PALLD: variants seen among roughly 807,000 people sequenced by gnomAD.
PALLD encodes palladin, cytoskeletal associated protein, also known as palladin.
PALLD carries 61 observed loss-of-function variants against 123.5 expected under a neutral mutation model. That is an observed-to-expected ratio of 0.49 (90% CI 0.40 to 0.61). The LOEUF is 0.61. Ranked by LOEUF, PALLD falls within the 20% of genes least tolerant of loss-of-function variation. The pLI, the probability that PALLD is intolerant of heterozygous loss-of-function variation, is 0.00. For missense variants in PALLD, 1,273 were observed against 1,377.0 expected (o/e 0.92, Z 1.20); for synonymous variants, 465 against 496.4 (o/e 0.94, Z 0.84).
chr4:168,827,158 A>C (rs1428473832), intron 10 of PALLD, among the ~76,000 whole-genome samples: 1 of 152,078 alleles, frequency 6.6e-6, no homozygotes, highest in Non-Finnish European at 1.5e-5. Flanking sequence ...TTCCCGATCC[A>C]TTCTCCCTTA....
chr4:168,812,385 C>A (rs528630613), intron 10 of PALLD, among the ~76,000 whole-genome samples: 1 of 152,294 alleles, frequency 6.6e-6, no homozygotes, highest in East Asian at 1.9e-4. Context: ...GCACTGTATA[C>A]ACAGAAACAT....
chr4:168,842,257 G>A (rs1187760286), intron 10 of PALLD, among the ~76,000 whole-genome samples: 2 of 152,132 alleles, frequency 1.3e-5, no homozygotes, highest in African/African-American at 4.8e-5. Flanking sequence ...ATTGGTGATG[G>A]GCATTCAACT....
intron 14 of PALLD, 130 bp from the exon 15 acceptor site, chr4:168,903,627 G>T: frequency 1.4e-6 from 1 of 737,466 alleles, no homozygotes; most frequent in South Asian, 1.5e-5. Flanking sequence ...CCTTAGTCAG[G>T]TATTTGGTTT....
Position 168,896,590 on chromosome 4 carries a change from TG to T in PALLD, c.2243del (p.Gly748ValfsTer18). ...ATGCTTCTGTAGGGAGTCCTCTGGA[TG>T]GTCAAAAGGTTAAGCTTTTCACCTT... ...PHASVGSPLD[G>X]QKEYKVSSCE... On this transcript the variant is annotated frameshift_variant, in exon 13 of 22. Transcript: ENST00000505667. LOFTEE classifies it high-confidence loss of function. 1 of 1,512,668 alleles carries T rather than the reference TG, an allele frequency of 6.6e-7. No individual in the cohort carries two copies. Among genetic ancestry groups the T allele is most frequent in the Non-Finnish European group, 8.9e-7 (1 of 1,124,764 alleles). The allele number at this position is 1,512,668 out of a possible 1,614,324, so 93.7% of individuals were successfully genotyped here.
chr4:168,761,644 T>TG (rs1732867697), intron 10 of PALLD, among the ~76,000 whole-genome samples: 1 of 75,162 alleles, frequency 1.3e-5, no homozygotes, highest in Non-Finnish European at 2.7e-5. Context: ...TGTTGTTGTT[T>TG]GTTTTTTTTT....
chr4:168,715,866 C>T (rs962448923), intron 10 of PALLD, among the ~76,000 whole-genome samples: 2 of 152,008 alleles, frequency 1.3e-5, no homozygotes, highest in African/African-American at 2.4e-5. Flanking sequence ...AGGAGAATGG[C>T]GTGAACCCGG....
intron 2 of PALLD, among the ~76,000 whole-genome samples, chr4:168,540,543 G>T (rs1765513035): frequency 6.6e-6 from 1 of 151,996 alleles, no homozygotes; most frequent in Non-Finnish European, 1.5e-5. Flanking sequence ...TTAGACAAGA[G>T]CCTGGAAAAA....
At chr4:168,812,371 C>T (rs1170320199) in intron 10 of PALLD, among the ~76,000 whole-genome samples, 2 of 152,110 alleles carry the variant, frequency 1.3e-5, no homozygotes, top group Admixed American at 6.6e-5. Context: ...TTTGGTTTGT[C>T]GGGGCACTGT....
intron 8 of PALLD, among the ~76,000 whole-genome samples, chr4:168,703,667 G>A (rs1331794871): frequency 7.3e-6 from 1 of 137,072 alleles, no homozygotes; most frequent in Admixed American, 7.0e-5. Flanking sequence ...CAGTGATGAT[G>A]AGCATTTTTT....
intron 2 of PALLD, among the ~76,000 whole-genome samples, chr4:168,644,348 C>T (rs1173349227): frequency 6.6e-6 from 1 of 152,098 alleles, no homozygotes; most frequent in Non-Finnish European, 1.5e-5. Context: ...TCCAGCCACC[C>T]AATGTGCTGG....
chr4:168,650,123 G>T (rs1777887139), intron 2 of PALLD, among the ~76,000 whole-genome samples: 1 of 152,080 alleles, frequency 6.6e-6, no homozygotes, highest in African/African-American at 2.4e-5. Context: ...GCAGTGAGCT[G>T]AGATCACACC....
chr4:168,674,966 A>T (rs1337984633), intron 3 of PALLD, among the ~76,000 whole-genome samples: 1 of 152,188 alleles, frequency 6.6e-6, no homozygotes, highest in African/African-American at 2.4e-5. Flanking sequence ...AAGGAAATGG[A>T]ATCTGTACTA....
At chr4:168,756,188 G>A (rs547106947) in intron 10 of PALLD, 12 of 176,266 alleles carry the variant, frequency 6.8e-5, no homozygotes, top group African/African-American at 1.2e-4. Context: ...TGCAGGGTTC[G>A]GGTGAGCCCA....
At chr4:168,538,660 C>T (rs1444478563) in intron 2 of PALLD, among the ~76,000 whole-genome samples, 1 of 152,092 alleles carries the variant, frequency 6.6e-6, no homozygotes, top group African/African-American at 2.4e-5. Flanking sequence ...TTTTAAATTA[C>T]ATTGGGAATG....
chr4:168,704,799 T>C (rs985913781), intron 8 of PALLD, among the ~76,000 whole-genome samples: 3 of 152,102 alleles, frequency 2.0e-5, no homozygotes, highest in Admixed American at 2.0e-4. Context: ...CATTTGGTTC[T>C]GTTTTTACAG....
chr4:168,703,169 T>C (rs1217047184), intron 8 of PALLD, among the ~76,000 whole-genome samples: 1 of 146,688 alleles, frequency 6.8e-6, no homozygotes, highest in African/African-American at 2.6e-5. Context: ...TTTGGTTTTT[T>C]GTTCTTGCGA....
rs1435410673 is a variant in PALLD, at chr4:168,711,812, G to C, written c.1853G>C (p.Gly618Ala). 2 of 1,614,124 alleles carry C rather than the reference G, an allele frequency of 1.2e-6. No homozygotes were observed. The highest frequency in any genetic ancestry group is 1.7e-6 in the Non-Finnish European group (2 of 1,180,006). The change falls in exon 10 of 22, where the codon GGA becomes GCA. Residue 618 changes from glycine to alanine, a missense_variant. Transcript: ENST00000505667. ...ACGAACGGAGTCCATCCCAGCCGTG[G>C]AGTAAATGGACTGATTAACGGCAAA... is the stretch of plus-strand genomic sequence containing the variant. ...RETNGVHPSR[G>A]VNGLINGKAN...
intron 15 of PALLD, among the ~76,000 whole-genome samples, chr4:168,910,119 G>C (rs1306823369): frequency 1.3e-5 from 2 of 151,798 alleles, no homozygotes; most frequent in African/African-American, 2.4e-5. Context: ...GAAATATTCT[G>C]TGGCAATATT....
chr4:168,783,078 G>GTA (rs1424289483), intron 10 of PALLD, among the ~76,000 whole-genome samples: 5 of 134,058 alleles, frequency 3.7e-5, no homozygotes, highest in African/African-American at 1.3e-4. Flanking sequence ...GTGTGTGTGT[G>GTA]TGTGTGTATA....
Sources: allele counts gnomAD v4.1 joint callset (sites outside exome capture counted in the v4.1 genomes callset), GRCh38; gene constraint gnomAD v4.1.1; transcripts MANE v1.5; gene names NCBI Gene and HGNC (gene_info 2026-07-23, HGNC 2026-07-21).